Variants in TGFBRAP1 observed in about 807,000 individuals in gnomAD.
TGFBRAP1 encodes the protein transforming growth factor-beta receptor-associated protein 1.
In TGFBRAP1, 20 loss-of-function variants were observed where a neutral mutation model predicts 83.2. The ratio of observed to expected loss-of-function variants is 0.24; its 90% confidence interval spans 0.17 to 0.35. The LOEUF is 0.35. Ranked by LOEUF, TGFBRAP1 falls within the 10% of genes least tolerant of loss-of-function variation. The pLI is 1.00. For missense variants in TGFBRAP1, 950 were observed against 1,099.4 expected (o/e 0.86, Z 1.92); for synonymous variants, 415 against 459.8 (o/e 0.90, Z 1.25).
chr2:105,254,049 A>G, the TGFBRAP1 span, among the ~76,000 whole-genome samples: 1 of 150,246 alleles, frequency 6.7e-6, no homozygotes, highest in Non-Finnish European at 1.5e-5. Flanking sequence ...CCTATTTTGG[A>G]TATTCAAGGT....
chr2:105,293,101 C>T lies in TGFBRAP1; in HGVS notation c.1038+3255G>A, dbSNP rs544792369. The stretch of plus-strand genomic sequence containing the variant: ...AATCAGTGCTGATATGGGGGAATGA[C>T]GACAATGGTACTGCGGTTACATTTC... On this transcript the variant is annotated intron_variant, in intron 4 of 11. Transcript: ENST00000393359. 8.4e-4 allele frequency among the ~76,000 whole-genome samples: 127 copies of T among 151,936 alleles called. 1 individual carries two copies. Among genetic ancestry groups the T allele is most frequent in the African/African-American group, 2.9e-3 (119 of 41,414 alleles).
chr2:105,308,337 A>T lies in TGFBRAP1; in HGVS notation c.-17-19T>A, dbSNP rs1678590221. ...TGATCTGCTGGAAGAGAAAGAGGAAAACTAATTTTAGAGGAACAAGGAAGA... is the reference window on the plus strand; with the variant it reads ...TGATCTGCTGGAAGAGAAAGAGGAATACTAATTTTAGAGGAACAAGGAAGA... On this transcript the variant is annotated intron_variant, in intron 1 of 11. Coordinates refer to ENST00000393359, the MANE Select transcript of TGFBRAP1 (RefSeq NM_004257.6). 1 of 1,565,856 alleles carries T rather than the reference A, an allele frequency of 6.4e-7. No homozygotes were observed. The highest frequency in any genetic ancestry group is 1.4e-5 in the African/African-American group (1 of 73,804).
chr2:105,301,801 C>T (rs1010362422), intron 2 of TGFBRAP1, among the ~76,000 whole-genome samples: 1 of 152,040 alleles, frequency 6.6e-6, no homozygotes, highest in African/African-American at 2.4e-5. Flanking sequence ...GTCACAGGCA[C>T]AATTACAGAG....
intron 6 of TGFBRAP1, among the ~76,000 whole-genome samples, chr2:105,278,325 T>C (rs1005436144): frequency 2.0e-5 from 3 of 152,186 alleles, no homozygotes; most frequent in Admixed American, 6.5e-5. Context: ...GGTCTACTAC[T>C]ATTAACCCAC....
the TGFBRAP1 span, among the ~76,000 whole-genome samples, chr2:105,251,843 C>A: frequency 6.7e-6 from 1 of 149,964 alleles, no homozygotes; most frequent in African/African-American, 2.5e-5. Flanking sequence ...TGTGACCTTA[C>A]CCCCAACCCT....
chr2:105,299,260 G>A (rs539099580), intron 2 of TGFBRAP1, among the ~76,000 whole-genome samples: 4 of 152,060 alleles, frequency 2.6e-5, no homozygotes, highest in East Asian at 1.9e-4. Context: ...CAGCCTGGGC[G>A]ACAGAGTGAG....
chr2:105,274,063 C>A (rs1677251374), intron 8 of TGFBRAP1, among the ~76,000 whole-genome samples: 1 of 152,214 alleles, frequency 6.6e-6, no homozygotes, highest in South Asian at 2.1e-4. Flanking sequence ...CATCCAAGAA[C>A]AGGGATAGCC....
At chr2:105,291,095 C>T (rs1157148976) in intron 4 of TGFBRAP1, among the ~76,000 whole-genome samples, 1 of 152,136 alleles carries the variant, frequency 6.6e-6, no homozygotes, top group Admixed American at 6.5e-5. Flanking sequence ...CTGTGTCTCC[C>T]TAAAATTCCT....
intron 1 of TGFBRAP1, among the ~76,000 whole-genome samples, chr2:105,320,841 C>T (rs1044230281): frequency 4.6e-5 from 7 of 152,214 alleles, no homozygotes; most frequent in Non-Finnish European, 1.0e-4. Flanking sequence ...TCTCTAGATA[C>T]CTTTCCAAAG....
At chr2:105,273,794 T>A in intron 8 of TGFBRAP1, 104 bp from the exon 9 acceptor site, 2 of 1,356,072 alleles carry the variant, frequency 1.5e-6, no homozygotes, top group East Asian at 2.4e-5. Context: ...AATCATCACT[T>A]AAAATATGAT....
chr2:105,295,988 G>A (rs192434066), intron 4 of TGFBRAP1, among the ~76,000 whole-genome samples: 8 of 151,994 alleles, frequency 5.3e-5, no homozygotes, highest in Non-Finnish European at 1.2e-4. Context: ...TAAATTCAGA[G>A]ACAAATTAAC....
chr2:105,283,504 G>A (rs139564124), intron 5 of TGFBRAP1, among the ~76,000 whole-genome samples: 1 of 152,330 alleles, frequency 6.6e-6, no homozygotes, highest in East Asian at 1.9e-4. Context: ...GCTGTAAACT[G>A]TGCACAATCT....
chr2:105,314,686 T>C (rs942735428), intron 1 of TGFBRAP1, among the ~76,000 whole-genome samples: 2 of 151,954 alleles, frequency 1.3e-5, no homozygotes, highest in African/African-American at 4.8e-5. Flanking sequence ...TGGTGTCTCA[T>C]GCCTGTAATC....
intron 1 of TGFBRAP1, among the ~76,000 whole-genome samples, chr2:105,320,041 G>T (rs1679009729): frequency 6.6e-6 from 1 of 151,846 alleles, no homozygotes; most frequent in South Asian, 2.1e-4. Context: ...TATTAAAATG[G>T]GCTCTTTACC....
intron 4 of TGFBRAP1, among the ~76,000 whole-genome samples, chr2:105,294,309 T>G (rs971009890): frequency 2.6e-4 from 27 of 102,822 alleles, no homozygotes; most frequent in East Asian, 5.4e-4. Flanking sequence ...GGAGTGAGGG[T>G]GTGTGTGTGT....
the TGFBRAP1 span, among the ~76,000 whole-genome samples, chr2:105,254,530 A>C: frequency 6.6e-6 from 1 of 152,044 alleles, no homozygotes; most frequent in South Asian, 2.1e-4. Flanking sequence ...AGTATTTTGC[A>C]CCTCCCAGAA....
At position 105,264,890 on chromosome 2, in the gene TGFBRAP1, A is replaced by G. The variant is rs996549479; in HGVS notation, c.*2493T>C. 1 of 152,256 alleles carries G rather than the reference A, an allele frequency of 6.6e-6. No homozygotes were observed. The highest frequency in any genetic ancestry group is 2.4e-5 in the African/African-American group (1 of 41,468). 9.4% of individuals were successfully genotyped at this position (152,256 alleles called of 1,614,324 possible). A position where few individuals can be genotyped will look rare whatever the true frequency, so the allele number is the denominator to read the frequency against. ...TAATGAGGGGAAAAAGGTCTGATGG[A>G]TCTAATTGCTCTATTCGATGGCACA... On this transcript the variant is annotated 3_prime_UTR_variant, in exon 12 of 12. Coordinates refer to ENST00000393359, the MANE Select transcript of TGFBRAP1 (RefSeq NM_004257.6).
chr2:105,291,781 T>C (rs1417033110), intron 4 of TGFBRAP1, among the ~76,000 whole-genome samples: 2 of 152,054 alleles, frequency 1.3e-5, no homozygotes. Context: ...AGGGAATGGG[T>C]GGGCATACAG....
At chr2:105,322,483 G>C (rs895773245) in intron 1 of TGFBRAP1, among the ~76,000 whole-genome samples, 5 of 152,088 alleles carry the variant, frequency 3.3e-5, no homozygotes, top group African/African-American at 1.2e-4. Flanking sequence ...CCAGTCCTGC[G>C]AGCTCCATTC....
Sources: gnomAD v4.1 joint callset for allele counts (sites outside exome capture counted in the v4.1 genomes callset) on GRCh38, gnomAD v4.1.1 for gene constraint, MANE v1.5 for transcripts, NCBI Gene and HGNC (gene_info 2026-07-23, HGNC 2026-07-21) for gene names.